The following PRKCH variants were observed in gnomAD, a reference collection of about 807,000 sequenced individuals.
PRKCH encodes the protein protein kinase C eta.
Under a neutral mutation model 82.5 loss-of-function variants are expected in PRKCH, and 28 were observed. The observed-to-expected ratio is 0.34, with a 90% CI of 0.25 to 0.47. The LOEUF (loss-of-function observed/expected upper bound fraction) is 0.47. Among genes scored for constraint, PRKCH ranks in the 20% least tolerant of loss-of-function variants. The pLI is 1.00. For synonymous variants in PRKCH, 322 were observed against 327.4 expected (o/e 0.98, Z 0.18); for missense variants, 705 against 881.8 (o/e 0.80, Z 2.54).
intron 1 of PRKCH, among the ~76,000 whole-genome samples, chr14:61,239,937 A>G (rs2044821522): frequency 6.6e-6 from 1 of 152,192 alleles, no homozygotes; most frequent in Non-Finnish European, 1.5e-5. Flanking sequence ...AGCAATAACC[A>G]CACAATTGTA....
chr14:61,381,533 A>G (rs1253593922), intron 1 of PRKCH, among the ~76,000 whole-genome samples: 1 of 152,190 alleles, frequency 6.6e-6, no homozygotes, highest in Admixed American at 6.5e-5. Context: ...ACCCCTTCCC[A>G]TGTCGGGGGG....
intron 1 of PRKCH, among the ~76,000 whole-genome samples, chr14:61,273,684 C>G (rs555939618): frequency 1.3e-5 from 2 of 152,336 alleles, no homozygotes; most frequent in South Asian, 4.1e-4. Context: ...ATGGGATACG[C>G]TGAGCATTTC....
chr14:61,269,960 C>A (rs907701124), intron 1 of PRKCH, among the ~76,000 whole-genome samples: 1 of 152,202 alleles, frequency 6.6e-6, no homozygotes, highest in Admixed American at 6.5e-5. Context: ...GTAGAACGAC[C>A]TTCCCCAGTC....
chr14:61,397,410 GC>G lies in PRKCH; in HGVS notation c.427+6124del, dbSNP rs553685852. On this transcript the variant is annotated intron_variant, in intron 2 of 13. Transcript: ENST00000332981. ...ATAAGATTCCGGAGTTTGGCAAGATGCCTGGGCCTGAGATGTAGCTCCAGGT... is the reference window on the plus strand; with the variant it reads ...ATAAGATTCCGGAGTTTGGCAAGATGCTGGGCCTGAGATGTAGCTCCAGGT... 9.8e-5 allele frequency among the ~76,000 whole-genome samples: 15 copies of G among 152,306 alleles called. No individual in the cohort carries two copies. The East Asian group carries it at 2.9e-3, about 29-fold the overall frequency.
intron 9 of PRKCH, among the ~76,000 whole-genome samples, chr14:61,468,883 T>C (rs1885378319): frequency 6.6e-6 from 1 of 152,160 alleles, no homozygotes; most frequent in South Asian, 2.1e-4. Context: ...GGGGTGATGA[T>C]TGCTTGGTTA....
chr14:61,240,906 A>G (rs1357715431), intron 1 of PRKCH, among the ~76,000 whole-genome samples: 2 of 151,920 alleles, frequency 1.3e-5, no homozygotes, highest in African/African-American at 4.8e-5. Context: ...CAGTAACTAA[A>G]TGTGTGAGGT....
intron 1 of PRKCH, among the ~76,000 whole-genome samples, chr14:61,291,927 C>T (rs180852852): frequency 2.4e-4 from 36 of 152,130 alleles, no homozygotes; most frequent in Admixed American, 5.9e-4. Context: ...AAACTGCGAG[C>T]GCTCTTAGGT....
intron 1 of PRKCH, among the ~76,000 whole-genome samples, chr14:61,216,063 C>T (rs1284557051): frequency 6.6e-6 from 1 of 152,128 alleles, no homozygotes; most frequent in Non-Finnish European, 1.5e-5. Flanking sequence ...AAATGTGTGG[C>T]TTGGGGTTTG....
intron 1 of PRKCH, among the ~76,000 whole-genome samples, chr14:61,296,232 T>C (rs908495129): frequency 4.6e-5 from 7 of 152,210 alleles, no homozygotes; most frequent in African/African-American, 1.7e-4. Context: ...AGAATATGGT[T>C]CAAACCACTT....
In PRKCH at chr14:61,365,342, C is replaced by A. The variant is rs2046285296; in HGVS notation, c.364-25883C>A. On this transcript the variant is annotated intron_variant, in intron 1 of 13. Transcript: ENST00000332981. ...GTGTCTCTTTAAAGGAAAGTTTTGA[C>A]AATGAATATAACTTATAATAATACT... 1.3e-5 allele frequency among the ~76,000 whole-genome samples: 2 copies of A among 152,072 alleles called. 1 individual carries two copies. The highest frequency in any genetic ancestry group is 4.8e-5 in the African/African-American group (2 of 41,324).
intron 2 of PRKCH, among the ~76,000 whole-genome samples, chr14:61,415,269 A>C (rs532487218): frequency 2.5e-4 from 38 of 152,100 alleles, no homozygotes; most frequent in Non-Finnish European, 4.9e-4. Flanking sequence ...CCTCCCCAAC[A>C]TGGTGATATG....
chr14:61,501,331 A>G (rs907637600), intron 10 of PRKCH, among the ~76,000 whole-genome samples: 3 of 152,198 alleles, frequency 2.0e-5, no homozygotes, highest in Non-Finnish European at 4.4e-5. Context: ...GTGGAATATT[A>G]TGCAACAATT....
At chr14:61,201,171 CTAA>C (rs1402571862) in intron 1 of PRKCH, among the ~76,000 whole-genome samples, 1 of 151,988 alleles carries the variant, frequency 6.6e-6, no homozygotes, top group South Asian at 2.1e-4. Flanking sequence ...TTCACGTGAC[CTAA>C]TAATAATAAC....
intron 1 of PRKCH, among the ~76,000 whole-genome samples, chr14:61,382,619 G>A (rs1023473169): frequency 3.3e-5 from 5 of 152,060 alleles, no homozygotes; most frequent in Admixed American, 1.3e-4. Context: ...GTTATTTATC[G>A]CTAGAGTAAG....
chr14:61,257,604 G>GACACACACACACACACACAC (rs796604363), intron 1 of PRKCH, among the ~76,000 whole-genome samples: 1 of 55,274 alleles, frequency 1.8e-5, no homozygotes, highest in African/African-American at 6.3e-5. Context: ...GTCACACACA[G>GACACACACACACACACACAC]ACACACACAC....
chr14:61,351,249 G>A (rs1368676512), intron 1 of PRKCH, among the ~76,000 whole-genome samples: 2 of 152,202 alleles, frequency 1.3e-5, no homozygotes, highest in African/African-American at 4.8e-5. Flanking sequence ...TGCTGTCTTT[G>A]TGAGGGGATG....
intron 12 of PRKCH, among the ~76,000 whole-genome samples, chr14:61,531,300 T>A (rs1392792860): frequency 2.0e-5 from 3 of 152,210 alleles, no homozygotes; most frequent in African/African-American, 7.2e-5. Context: ...TCCAAAATCA[T>A]GTATTTTCAC....
At chr14:61,335,941 G>A (rs553195765) in intron 1 of PRKCH, among the ~76,000 whole-genome samples, 320 of 152,294 alleles carry the variant, frequency 2.1e-3, no homozygotes, top group South Asian at 5.6e-3. Flanking sequence ...CCAGATTGGG[G>A]TTCAGCTATT....
chr14:61,502,225 G>A (rs1252405742), intron 10 of PRKCH, among the ~76,000 whole-genome samples: 2 of 151,682 alleles, frequency 1.3e-5, no homozygotes, highest in Admixed American at 1.3e-4. Context: ...CACCACACCC[G>A]GCTAATTTTT....
Sources: gnomAD v4.1 joint callset for allele counts (sites outside exome capture counted in the v4.1 genomes callset) on GRCh38, gnomAD v4.1.1 for gene constraint, MANE v1.5 for transcripts, NCBI Gene and HGNC (gene_info 2026-07-23, HGNC 2026-07-21) for gene names.